The following PIN4 variants were observed in gnomAD, a reference collection of about 807,000 sequenced individuals.
PIN4 encodes the protein peptidyl-prolyl cis-trans isomerase NIMA-interacting 4.
In PIN4, 3 loss-of-function variants were observed where a neutral mutation model predicts 8.3. The ratio of observed to expected loss-of-function variants is 0.36; its 90% CI spans 0.16 to 0.93. The LOEUF (loss-of-function observed/expected upper bound fraction) is 0.93, where lower values mean the gene tolerates loss of function less well. PIN4 is among the 40% of genes least tolerant of loss of function. PIN4 has a pLI of 0.44. For missense variants in PIN4, 75 were observed against 100.6 expected, an observed-to-expected ratio of 0.75 and a Z score of 1.09; for synonymous variants, 18 against 32.5, an observed-to-expected ratio of 0.55 and a Z score of 1.52.
At chrX:72,201,999 C>T (rs1233006626), downstream of PIN4, among the ~76,000 whole-genome samples, 1 of 112,403 alleles carries the variant, frequency 8.9e-6, no homozygotes, top group East Asian at 2.8e-4. Flanking sequence ...TGGGGTATAC[C>T]CTGTGTAAAT....
At chrX:72,226,385 A>G (rs2042953950) in intron 3 of PIN4, among the ~76,000 whole-genome samples, 1 of 111,981 alleles carries the variant, frequency 8.9e-6, no homozygotes, top group African/African-American at 3.2e-5. Context: ...GCCTTTGGGC[A>G]TATCCTCCCA....
chrX:72,204,261 G>A (rs138127528), intron 3 of PIN4, among the ~76,000 whole-genome samples: 1,240 of 112,320 alleles, frequency 0.011, 3 homozygotes, highest in Non-Finnish European at 0.02. Flanking sequence ...ATAGTCTGAA[G>A]GTAATTTTAT....
At chrX:72,214,652 G>A (rs1485710053) in intron 3 of PIN4, among the ~76,000 whole-genome samples, 1 of 91,514 alleles carries the variant, frequency 1.1e-5, no homozygotes, top group African/African-American at 4.3e-5. Context: ...CAGCCTGGAT[G>A]ACAGAGTGAG....
chrX:72,247,184 A>G (rs567860516), intron 3 of PIN4, among the ~76,000 whole-genome samples: 1 of 111,728 alleles, frequency 9.0e-6, no homozygotes, highest in South Asian at 3.7e-4. Context: ...TCTCTTGCCA[A>G]TACTACCCCT....
At chrX:72,218,226 C>T (rs1163188988) in intron 3 of PIN4, among the ~76,000 whole-genome samples, 2 of 103,469 alleles carry the variant, frequency 1.9e-5, no homozygotes, top group Non-Finnish European at 3.9e-5. Context: ...GTCAAGATCG[C>T]ACCACTGCAC....
At chrX:72,234,891 A>G (rs1276976680) in intron 3 of PIN4, among the ~76,000 whole-genome samples, 1 of 111,467 alleles carries the variant, frequency 9.0e-6, no homozygotes, top group Non-Finnish European at 1.9e-5. Context: ...TGAAACAGGC[A>G]TCTAGTACAA....
At chrX:72,236,362 C>A (rs1438155999) in intron 3 of PIN4, among the ~76,000 whole-genome samples, 2 of 111,251 alleles carry the variant, frequency 1.8e-5, no homozygotes. Context: ...GCAGTGGCGC[C>A]ATCTCAGCTC....
At chrX:72,211,463 G>A (rs1339121504) in intron 3 of PIN4, among the ~76,000 whole-genome samples, 1 of 111,953 alleles carries the variant, frequency 8.9e-6, no homozygotes, top group Non-Finnish European at 1.9e-5. Context: ...GAAATTATAT[G>A]ACTAGAGCAT....
At chrX:72,262,986 T>C (rs1029194252) in exon 4 of PIN4, 11 of 364,550 alleles carry the variant, frequency 3.0e-5, no homozygotes, top group Non-Finnish European at 5.3e-5. Flanking sequence ...CAGACAGATG[T>C]GGGGGCGGGT....
At chrX:72,192,014 C>A (rs986767729) in intron 2 of PIN4, among the ~76,000 whole-genome samples, 1 of 110,515 alleles carries the variant, frequency 9.0e-6, no homozygotes, top group African/African-American at 3.3e-5. Flanking sequence ...TGCAGTGGCG[C>A]GATCTTGGCT....
At chrX:72,235,200 G>A (rs1251999554) in intron 3 of PIN4, among the ~76,000 whole-genome samples, 1 of 111,482 alleles carries the variant, frequency 9.0e-6, no homozygotes, top group East Asian at 2.8e-4. Context: ...TAAAATTAAG[G>A]TTGCAGCAAG....
chrX:72,243,424 G>C (rs1030199089), intron 3 of PIN4, among the ~76,000 whole-genome samples: 8 of 110,069 alleles, frequency 7.3e-5, no homozygotes, highest in Non-Finnish European at 1.5e-4. Context: ...ATACAAGTTG[G>C]AGTATTTTCA....
intron 3 of PIN4, among the ~76,000 whole-genome samples, chrX:72,231,242 G>A (rs1461653109): frequency 2.7e-5 from 3 of 112,018 alleles, no homozygotes; most frequent in African/African-American, 6.5e-5. Context: ...TTATTCAGCC[G>A]TTAAAAGGCA....
chrX:72,199,570 G>GT (rs945668478), downstream of PIN4, among the ~76,000 whole-genome samples: 1 of 111,786 alleles, frequency 8.9e-6, no homozygotes, highest in African/African-American at 3.3e-5. Context: ...AAAACAATGT[G>GT]TCTAAATAAG....
rs201242720 is a variant in PIN4, at chrX:72,208,355, C to T, written c.312+11451C>T. The T allele has an allele frequency of 1.2e-4, 143 of 1,209,807 alleles. No individual in the cohort carries two copies. The highest frequency in any genetic ancestry group is 2.3e-4 in the South Asian group (13 of 56,811). On this transcript the variant is annotated intron_variant, in intron 3 of 3. Transcript: ENST00000423432. ...TTCACAAGTGATGCATCAAACATAC[C>T]GGAAAGGAAAGCAATGATTTGAACA... is the stretch of plus-strand genomic sequence containing the variant.
intron 3 of PIN4, among the ~76,000 whole-genome samples, chrX:72,226,464 C>T (rs903791683): frequency 4.5e-5 from 5 of 112,222 alleles, no homozygotes; most frequent in African/African-American, 1.6e-4. Context: ...AACATATACA[C>T]CGATTCTAAA....
intron 3 of PIN4, among the ~76,000 whole-genome samples, chrX:72,224,135 T>C (rs2042941291): frequency 9.0e-6 from 1 of 111,470 alleles, no homozygotes; most frequent in Non-Finnish European, 1.9e-5. Context: ...AGTAAGATTA[T>C]TTCCTTTCTC....
At chrX:72,220,340 A>G (rs1039420620) in intron 3 of PIN4, among the ~76,000 whole-genome samples, 17 of 111,937 alleles carry the variant, frequency 1.5e-4, no homozygotes, top group African/African-American at 5.2e-4. Flanking sequence ...AAGATGAAAG[A>G]TAAGTGTTGA....
intron 3 of PIN4, among the ~76,000 whole-genome samples, chrX:72,239,795 A>G (rs2043040785): frequency 3.0e-5 from 3 of 99,637 alleles, no homozygotes; most frequent in Non-Finnish European, 6.1e-5. Context: ...AAAAAAAAAA[A>G]GGCTGGGTGC....
Sources: allele counts gnomAD v4.1 joint callset (sites outside exome capture counted in the v4.1 genomes callset), GRCh38; gene constraint gnomAD v4.1.1; transcripts MANE v1.5; gene names NCBI Gene and HGNC (gene_info 2026-07-23, HGNC 2026-07-21).